IL1RAPL1: variants seen among roughly 807,000 people sequenced by gnomAD.
IL1RAPL1 encodes the protein interleukin 1 receptor accessory protein like 1, also known as interleukin-1 receptor accessory protein-like 1.
A neutral mutation model predicts 48.4 loss-of-function variants in IL1RAPL1; 3 were observed. The ratio of observed to expected loss-of-function variants is 0.06; its 90% CI spans 0.03 to 0.16. The LOEUF is 0.16. IL1RAPL1 is among the 10% of genes least tolerant of loss of function. The pLI, the probability that IL1RAPL1 is intolerant of heterozygous loss-of-function variation, is 1.00. For synonymous variants in IL1RAPL1, 185 were observed against 187.7 expected, an observed-to-expected ratio of 0.99 and a Z score of 0.12; for missense variants, 349 against 530.6, an observed-to-expected ratio of 0.66 and a Z score of 3.36.
rs746327074 is a variant in IL1RAPL1 at position 28,939,525 on chromosome X, C to T, written c.82+150100C>T. ...AGAAGGTAACAACAGACACAGGGGC[C>T]TACTTCAGGGTGGAGGGTGGGAAGA... is the stretch of plus-strand genomic sequence containing the variant. On this transcript the variant is annotated intron_variant, in intron 2 of 10. Coordinates refer to ENST00000378993, the MANE Select transcript of IL1RAPL1 (RefSeq NM_014271.4). Among the ~76,000 whole-genome samples the T allele has an allele frequency of 2.7e-5, 3 of 110,283 alleles. No individual in the cohort carries two copies. The East Asian group carries it at 8.7e-4, about 32-fold the overall frequency.
intron 5 of IL1RAPL1, among the ~76,000 whole-genome samples, chrX:29,638,310 G>A (rs1411055039): frequency 2.1e-5 from 2 of 95,578 alleles, no homozygotes; most frequent in African/African-American, 4.0e-5. Flanking sequence ...TCACTCCATC[G>A]CGTAGGCTGG....
intron 5 of IL1RAPL1, among the ~76,000 whole-genome samples, chrX:29,440,299 A>T (rs1224599283): frequency 9.0e-6 from 1 of 111,375 alleles, no homozygotes; most frequent in African/African-American, 3.3e-5. Context: ...ATGTATTCAC[A>T]GAATGACAGA....
At chrX:29,217,656 T>C (rs779331720) in intron 2 of IL1RAPL1, among the ~76,000 whole-genome samples, 212 of 111,155 alleles carry the variant, frequency 1.9e-3, no homozygotes, top group Middle Eastern at 9.2e-3. Flanking sequence ...AGAAAAAATA[T>C]TGAAGTGGCA....
intron 1 of IL1RAPL1, among the ~76,000 whole-genome samples, chrX:28,598,545 C>T (rs896118665): frequency 9.0e-6 from 1 of 110,664 alleles, no homozygotes; most frequent in Non-Finnish European, 1.9e-5. Flanking sequence ...ACAAGTCTCA[C>T]AGTCTAGCTG....
At chrX:29,006,344 T>A (rs1382094225) in intron 2 of IL1RAPL1, among the ~76,000 whole-genome samples, 2 of 110,009 alleles carry the variant, frequency 1.8e-5, no homozygotes, top group African/African-American at 3.3e-5. Flanking sequence ...TAAAACCCTG[T>A]CTCTGCTAAA....
At chrX:29,189,226 T>C (rs776867315) in intron 2 of IL1RAPL1, among the ~76,000 whole-genome samples, 1 of 112,302 alleles carries the variant, frequency 8.9e-6, no homozygotes, top group South Asian at 3.7e-4. Context: ...GGCATGGATT[T>C]TGGACTCAAT....
intron 2 of IL1RAPL1, among the ~76,000 whole-genome samples, chrX:28,921,515 C>T (rs1335471777): frequency 9.0e-6 from 1 of 111,397 alleles, no homozygotes; most frequent in East Asian, 2.8e-4. Flanking sequence ...GTCTACCCTC[C>T]CTCTTCCCCT....
At chrX:29,212,066 C>T (rs149612036) in intron 2 of IL1RAPL1, among the ~76,000 whole-genome samples, 1,572 of 111,361 alleles carry the variant, frequency 0.014, 36 homozygotes, top group African/African-American at 0.048. Context: ...CATGTCCTAA[C>T]CTGAACTCCT....
chrX:29,802,279 G>A (rs1929929006), intron 6 of IL1RAPL1, among the ~76,000 whole-genome samples: 1 of 112,185 alleles, frequency 8.9e-6, no homozygotes, highest in African/African-American at 3.2e-5. Flanking sequence ...TGTTTTCCAA[G>A]CTTGATTTTT....
At chrX:29,543,127 C>T (rs1380081861) in intron 5 of IL1RAPL1, among the ~76,000 whole-genome samples, 1 of 107,530 alleles carries the variant, frequency 9.3e-6, no homozygotes, top group Non-Finnish European at 1.9e-5. Context: ...CTCTCTCTCT[C>T]TCTCTCTCTC....
At chrX:28,723,892 A>G (rs1428194309) in intron 1 of IL1RAPL1, among the ~76,000 whole-genome samples, 1 of 111,817 alleles carries the variant, frequency 8.9e-6, no homozygotes, top group African/African-American at 3.3e-5. Context: ...GTTTCCATGT[A>G]GTTGGGCGAT....
At chrX:28,779,632 G>GTATATATA (rs1208199471) in intron 1 of IL1RAPL1, among the ~76,000 whole-genome samples, 35 of 54,540 alleles carry the variant, frequency 6.4e-4, no homozygotes, top group Non-Finnish European at 8.6e-4. Context: ...GTGTGTGTGT[G>GTATATATA]TGTATATATA....
At chrX:29,605,931 A>G (rs1347113952) in intron 5 of IL1RAPL1, among the ~76,000 whole-genome samples, 1 of 112,110 alleles carries the variant, frequency 8.9e-6, no homozygotes, top group Non-Finnish European at 1.9e-5. Context: ...AAAGAGATGG[A>G]TTTCGAAGAC....
intron 2 of IL1RAPL1, among the ~76,000 whole-genome samples, chrX:29,076,892 A>G (rs190889959): frequency 4.2e-4 from 47 of 111,359 alleles, no homozygotes; most frequent in South Asian, 7.5e-4. Flanking sequence ...AGAAAAAAGG[A>G]AAAAGGCCTC....
chrX:28,897,171 T>C (rs956815051), intron 2 of IL1RAPL1, among the ~76,000 whole-genome samples: 9 of 107,938 alleles, frequency 8.3e-5, no homozygotes, highest in Non-Finnish European at 1.7e-4. Flanking sequence ...GGGGGGTTCT[T>C]GCCCTCCAGA....
chrX:29,644,165 G>T (rs964461818), intron 5 of IL1RAPL1, among the ~76,000 whole-genome samples: 4 of 112,114 alleles, frequency 3.6e-5, no homozygotes, highest in African/African-American at 6.5e-5. Context: ...TCTAATGAAG[G>T]AATCTGTTCT....
At chrX:29,721,591 C>A (rs1601795103) in intron 6 of IL1RAPL1, among the ~76,000 whole-genome samples, 1 of 111,925 alleles carries the variant, frequency 8.9e-6, no homozygotes, top group East Asian at 2.8e-4. Flanking sequence ...CACCTCCCCT[C>A]CTGAACTCCA....
intron 2 of IL1RAPL1, among the ~76,000 whole-genome samples, chrX:29,158,017 G>A (rs1321998266): frequency 4.5e-5 from 5 of 111,307 alleles, no homozygotes; most frequent in Admixed American, 3.8e-4. Context: ...AGAGAATAAA[G>A]GACTGAAATT....
chrX:29,753,812 T>G (rs947502508), intron 6 of IL1RAPL1, among the ~76,000 whole-genome samples: 1 of 111,956 alleles, frequency 8.9e-6, no homozygotes, highest in East Asian at 2.8e-4. Flanking sequence ...CATTAGAATT[T>G]TCAAAAGTGC....
Sources: allele counts gnomAD v4.1 joint callset (sites outside exome capture counted in the v4.1 genomes callset), GRCh38; gene constraint gnomAD v4.1.1; transcripts MANE v1.5; gene names NCBI Gene and HGNC (gene_info 2026-07-23, HGNC 2026-07-21).